MIGA2: variants seen among roughly 807,000 people sequenced by gnomAD.
The protein encoded by MIGA2 is mitoguardin 2.
In MIGA2, 36 loss-of-function variants were observed where a neutral mutation model predicts 69.9. That is an observed-to-expected ratio of 0.52 (90% confidence interval 0.39 to 0.68). MIGA2 has a LOEUF of 0.68. Ranked by LOEUF, MIGA2 falls within the 30% of genes least tolerant of loss-of-function variation. MIGA2 has a pLI of 0.00. For missense variants in MIGA2, 660 were observed against 787.7 expected, an observed-to-expected ratio of 0.84 and a Z score of 1.94; for synonymous variants, 333 against 349.2, an observed-to-expected ratio of 0.95 and a Z score of 0.52.
At position 129,070,822 on chromosome 9, in the gene MIGA2, G is replaced by C. The variant is rs1481413889; in HGVS notation, c.*369G>C. On this transcript the variant is annotated 3_prime_UTR_variant, in exon 16 of 16. Transcript: ENST00000684074. Reference sequence around the variant, plus strand: ...ATGGGGCCTAGAGCCCTGTGGTGAAGGTCACAGTGTCCTGAGCTAGAAGCC... The same window carrying C: ...ATGGGGCCTAGAGCCCTGTGGTGAACGTCACAGTGTCCTGAGCTAGAAGCC... 1 of 248,304 alleles carries C rather than the reference G, an allele frequency of 4.0e-6. No homozygotes were observed. Among genetic ancestry groups the C allele is most frequent in the Non-Finnish European group, 7.8e-6 (1 of 128,114 alleles). 15.4% of individuals were successfully genotyped at this position (248,304 alleles called of 1,614,324 possible).
In MIGA2 at chr9:129,040,589, C is replaced by A; in HGVS notation, c.-6C>A. The stretch of plus-strand genomic sequence containing the variant: ...TGAGGACTTTGCCTGGGGCATTGGC[C>A]CTGCCATGGCGTTCCGGAGGGCCGA... On this transcript the variant is annotated 5_prime_UTR_variant, in exon 2 of 16. Transcript: ENST00000684074. 1 of 1,609,364 alleles carries A rather than the reference C, an allele frequency of 6.2e-7. No homozygotes were observed. The highest frequency in any genetic ancestry group is 1.7e-5 in the Admixed American group (1 of 59,690).
rs573797409 is a variant in MIGA2, at chr9:129,059,252, C to G, written c.774C>G (p.Asp258Glu). 3.2e-5 allele frequency: 51 copies of G among 1,585,356 alleles called. No homozygotes were observed. The South Asian group carries it at 5.5e-4, about 17-fold the overall frequency. The change falls in exon 7 of 16, where the codon GAC becomes GAG. Residue 258 changes from aspartate (D) to glutamate (E), a missense_variant. Asp to Glu is a conservative substitution (Grantham distance 45, BLOSUM62 2). Transcript: ENST00000684074. This position sits in a 1 kb window ranked among gnomAD's most constrained non-coding sequence, Gnocchi z 5.6. The part of the protein sequence containing the change: ...QEEFGSTFPA[D>E]SMLLDLERTL... Reference sequence around the variant, plus strand: ...AGTTCGGCTCCACCTTCCCCGCAGACAGCATGCTGCTAGACCTCGGTGAGC... The same window carrying G: ...AGTTCGGCTCCACCTTCCCCGCAGAGAGCATGCTGCTAGACCTCGGTGAGC...
chr9:129,044,830 A>T (rs1358468510), intron 3 of MIGA2, among the ~76,000 whole-genome samples: 1 of 150,884 alleles, frequency 6.6e-6, no homozygotes, highest in Non-Finnish European at 1.5e-5. Context: ...GCCTCAAGAG[A>T]TCTTCCCGCC....
chr9:129,044,288 G>A (rs1845088970), intron 3 of MIGA2, among the ~76,000 whole-genome samples: 2 of 151,692 alleles, frequency 1.3e-5, no homozygotes, highest in Admixed American at 6.6e-5. Flanking sequence ...ACCGTGCCTG[G>A]CCCCTTCTTC....
chr9:129,044,663 C>T (rs539727093), intron 3 of MIGA2, among the ~76,000 whole-genome samples: 2 of 152,228 alleles, frequency 1.3e-5, no homozygotes, highest in East Asian at 3.9e-4. Flanking sequence ...AGCGATTCTC[C>T]TGCCTCAGCC....
At chr9:129,052,862 T>C (rs1429707215) in intron 6 of MIGA2, among the ~76,000 whole-genome samples, 1 of 152,086 alleles carries the variant, frequency 6.6e-6, no homozygotes, top group Non-Finnish European at 1.5e-5. Flanking sequence ...AACCCTTGAG[T>C]GCCTGCAGTT....
At position 129,049,922 on chromosome 9, in the gene MIGA2, G is replaced by T; in HGVS notation, c.634G>T (p.Gly212Cys). 6.2e-7 allele frequency: 1 copy of T among 1,613,716 alleles called. No homozygotes were observed. Among genetic ancestry groups the T allele is most frequent in the Non-Finnish European group, 8.5e-7 (1 of 1,179,974 alleles). The change falls in exon 6 of 16, where the codon GGC becomes TGC. Residue 212 changes from glycine to cysteine, a missense_variant. Gly to Cys is a radical substitution (Grantham distance 159, BLOSUM62 -3). This residue lies in a region of MIGA2 where 386 missense variants were observed against 402.0 expected (regional missense o/e 0.96). Transcript: ENST00000684074. ...CGGCAGCACCCCCATGCCCAGGGAC[G>T]GCCTCCGGAACCCAGAGACTGCATC... ...DSGSTPMPRD[G>C]LRNPETASEP...
chr9:129,049,414 G>A lies in MIGA2; in HGVS notation c.454G>A (p.Ala152Thr), dbSNP rs150751770. The part of the protein sequence containing the change: ...MAVNSSSPTA[A>T]CSGLWDARGM... Reference sequence around the variant, plus strand: ...AGTGAACTCATCCAGCCCCACAGCCGCGTGCTCGGGACTATGGGATGCCAG... The same window carrying A: ...AGTGAACTCATCCAGCCCCACAGCCACGTGCTCGGGACTATGGGATGCCAG... Residue 152 changes from alanine (A) to threonine (T), a missense_variant, in exon 5 of 16, where the codon GCG becomes ACG. Coordinates refer to ENST00000684074, the MANE Select transcript of MIGA2 (RefSeq NM_001329990.2). 2.9e-5 allele frequency: 47 copies of A among 1,613,192 alleles called. No individual in the cohort carries two copies. Among genetic ancestry groups the A allele is most frequent in the Non-Finnish European group, 3.8e-5 (45 of 1,179,664 alleles).
rs1846056554 is a variant in MIGA2 at position 129,061,296 on chromosome 9, G to C, written c.960G>C (p.Glu320Asp). The C allele has an allele frequency of 6.2e-7, 1 of 1,613,094 alleles. No homozygotes were observed. The highest frequency in any genetic ancestry group is 1.3e-5 in the African/African-American group (1 of 74,932). The change falls in exon 9 of 16, where the codon GAG becomes GAC. Residue 320 changes from glutamate to aspartate, a missense_variant. Around this residue, in one of 3 missense-constraint regions of MIGA2, gnomAD observed 386 missense variants for 402.0 expected, o/e 0.96. Transcript: ENST00000684074. The surrounding 1 kb of genome is among the most constrained non-coding windows in gnomAD (Gnocchi z 5.0). ...IPLSRPAAAY[E>D]EALQLVKEGR... ...TCTCCAGACCCGCCGCTGCCTATGA[G>C]GAGGCCCTGCAGCTGGTGAAGGAGG... is the stretch of plus-strand genomic sequence containing the variant.
Position 129,060,342 on chromosome 9 carries a change from G to A in MIGA2, c.794-208G>A. ...CTGACGACCTCCGAGGATGTCGTGG[G>A]TGTTGAAGGAGGTCACTCACTGAGG... is the stretch of plus-strand genomic sequence containing the variant. On this transcript the variant is annotated intron_variant, in intron 7 of 15. Coordinates refer to ENST00000684074, the MANE Select transcript of MIGA2 (RefSeq NM_001329990.2). This position sits in a 1 kb window ranked among gnomAD's most constrained non-coding sequence, Gnocchi z 4.8. 3 of 526,954 alleles carry A rather than the reference G, an allele frequency of 5.7e-6. No individual in the cohort carries two copies. Among genetic ancestry groups the A allele is most frequent in the Non-Finnish European group, 1.0e-5 (3 of 293,148 alleles). 32.6% of individuals were successfully genotyped at this position (526,954 alleles called of 1,614,324 possible). A position where few individuals can be genotyped will look rare whatever the true frequency, so the allele number is the denominator to read the frequency against.
In MIGA2 at chr9:129,068,392, G is replaced by A. The variant is rs536788405; in HGVS notation, c.1404+60G>A. On this transcript the variant is annotated intron_variant, in intron 13 of 15. Coordinates refer to ENST00000684074, the MANE Select transcript of MIGA2 (RefSeq NM_001329990.2). This position sits in a 1 kb window ranked among gnomAD's most constrained non-coding sequence, Gnocchi z 4.1. ...CTCACATCAGCCCGTGTGGTTGCCT[G>A]GCTCCGTCCCCTCTGTCCCTAGCAC... The A allele has an allele frequency of 1.7e-4, 268 of 1,591,200 alleles. No homozygotes were observed. The African/African-American group carries it at 3.3e-3, about 20-fold the overall frequency.
chr9:129,057,942 C>CT (rs1249532159), intron 6 of MIGA2, among the ~76,000 whole-genome samples: 1 of 152,036 alleles, frequency 6.6e-6, no homozygotes, highest in African/African-American at 2.4e-5. Flanking sequence ...ATAACATTTT[C>CT]TTTTCTCTGG....
In MIGA2 at chr9:129,049,498, G is replaced by A. The variant is rs1241286972; in HGVS notation, c.538G>A (p.Gly180Ser). Residue 180 changes from glycine to serine, a missense_variant and splice_region_variant, in exon 5 of 16, where the codon GGC becomes AGC. Gly to Ser is a moderately conservative substitution (Grantham distance 56, BLOSUM62 0). Transcript: ENST00000684074. ...CAATGCAGAGAGCCTGTACATGCAA[G>A]GTGTGGCCAGGAGGTGCCTCAGCTT... ...DGNAESLYMQ[G>S]MELFEEALQK... The A allele has an allele frequency of 3.1e-6, 5 of 1,612,804 alleles. No homozygotes were observed. In the African/African-American group the frequency reaches 4.0e-5, roughly 13 times the overall value.
At chr9:129,049,729 G>T in intron 5 of MIGA2, 98 bp from the exon 6 acceptor site, 1 of 1,583,678 alleles carries the variant, frequency 6.3e-7, no homozygotes, top group Non-Finnish European at 8.6e-7. Flanking sequence ...CCCAGTTCTT[G>T]CCCTTCAAGG....
intron 2 of MIGA2, 46 bp downstream of exon 2, chr9:129,040,736 A>G (rs370343401): frequency 3.8e-6 from 6 of 1,560,390 alleles, no homozygotes; most frequent in Admixed American, 1.7e-5. Context: ...AAACACTTCC[A>G]TGCTCAGCCA....
Position 129,049,398 on chromosome 9 carries a change from A to G in MIGA2, c.438A>G (p.Ser146=). Residue 146 remains serine, a synonymous_variant, in exon 5 of 16, where the codon TCA becomes TCG. Transcript: ENST00000684074. ...GCGCCCAGATGATGGCAGTGAACTC[A>G]TCCAGCCCCACAGCCGCGTGCTCGG... ...HSVASMMAVN[S]SSPTAACSGL... is the part of the protein sequence containing the mutation. 6.2e-7 allele frequency: 1 copy of G among 1,613,486 alleles called. No homozygotes were observed. The highest frequency in any genetic ancestry group is 8.5e-7 in the Non-Finnish European group (1 of 1,179,742).
At chr9:129,065,844 C>T (rs1588413853) in intron 11 of MIGA2, among the ~76,000 whole-genome samples, 1 of 152,144 alleles carries the variant, frequency 6.6e-6, no homozygotes. Context: ...TCCCCTGAGG[C>T]CCGAGAGAAC....
intron 3 of MIGA2, among the ~76,000 whole-genome samples, chr9:129,047,925 C>T (rs567265408): frequency 6.6e-6 from 1 of 151,244 alleles, no homozygotes; most frequent in East Asian, 2.0e-4. Flanking sequence ...GACAGGGTTT[C>T]GCCATGTTGC....
At position 129,059,118 on chromosome 9, in the gene MIGA2, G is replaced by C; in HGVS notation, c.676-36G>C. The C allele has an allele frequency of 6.3e-7, 1 of 1,591,152 alleles. No individual in the cohort carries two copies. The highest frequency in any genetic ancestry group is 8.6e-7 in the Non-Finnish European group (1 of 1,160,136). ...AGGGGCCATTTTCATCGGGAGCTTT[G>C]AGGGTCTGGGTTGAGGGTCCTTGTT... On this transcript the variant is annotated intron_variant, in intron 6 of 15. Coordinates refer to ENST00000684074, the MANE Select transcript of MIGA2 (RefSeq NM_001329990.2). The surrounding 1 kb of genome is among the most constrained non-coding windows in gnomAD (Gnocchi z 5.6).
Sources: gnomAD v4.1 joint callset for allele counts (sites outside exome capture counted in the v4.1 genomes callset) on GRCh38, gnomAD v4.1.1 for gene constraint, gnomAD v4.1.1 regional missense constraint, Gnocchi (gnomAD v3.1) non-coding constraint, MANE v1.5 for transcripts, NCBI Gene and HGNC (gene_info 2026-07-23, HGNC 2026-07-21) for gene names.